The following LIPE variants were observed in gnomAD, a reference collection of about 807,000 sequenced individuals.
LIPE encodes the protein lipase E, hormone sensitive type.
LIPE carries 66 observed loss-of-function variants against 88.5 expected under a neutral mutation model. The ratio of observed to expected loss-of-function variants is 0.75; its 90% CI spans 0.61 to 0.91. The LOEUF (loss-of-function observed/expected upper bound fraction) is 0.91. LIPE is among the 40% of genes least tolerant of loss of function. The pLI is 0.00. For synonymous variants in LIPE, 570 were observed against 617.5 expected, an observed-to-expected ratio of 0.92 and a Z score of 1.14; for missense variants, 1,346 against 1,434.7, an observed-to-expected ratio of 0.94 and a Z score of 1.00.
chr19:42,421,884 G>A (rs1044487945), intron 1 of LIPE, among the ~76,000 whole-genome samples: 3 of 152,236 alleles, frequency 2.0e-5, no homozygotes, highest in African/African-American at 7.2e-5. Context: ...GGGGCTTCAG[G>A]AAATGACAGG....
Position 42,401,871 on chromosome 19 carries a change from C to G in LIPE, c.3172G>C (p.Gly1058Arg), listed in dbSNP as rs771970424. Residue 1058 changes from glycine to arginine, a missense_variant, in exon 10 of 10, where the codon GGG (glycine) becomes CGG (arginine). Coordinates refer to ENST00000244289, the MANE Select transcript of LIPE (RefSeq NM_005357.4). ...GCAGCCCCCGTCTCCCCGCTCGGCC[C>G]GGCTCCGGCGGGAGGAGTGAGGACG... The part of the protein sequence containing the change: ...RLVLTPPAGA[G>R]PSGETGAAGV... The G allele has an allele frequency of 6.5e-4, 1,002 of 1,532,144 alleles. 2 individuals carry two copies. The Middle Eastern group carries it at 6.6e-3, about 10-fold the overall frequency. 94.9% of individuals were successfully genotyped at this position (1,532,144 alleles called of 1,614,324 possible). A position where few individuals can be genotyped will look rare whatever the true frequency, so the allele number is the denominator to read the frequency against.
chr19:42,424,964 A>C, intron 1 of LIPE: 2 of 281,000 alleles, frequency 7.1e-6, no homozygotes, highest in Admixed American at 5.0e-5. Flanking sequence ...TGCTCCCCCA[A>C]CTTTCCTGCC....
chr19:42,407,845 CT>C lies in LIPE; in HGVS notation c.1657-55del, dbSNP rs148192690. ...GGGAAGGTCTGCCTGCAGGGGTGCC[CT>C]TCACCTCTCCCTCTGATCCCCAGTC... On this transcript the variant is annotated intron_variant, in intron 4 of 9. Coordinates refer to ENST00000244289, the MANE Select transcript of LIPE (RefSeq NM_005357.4). The surrounding 1 kb of genome is among the most constrained non-coding windows in gnomAD (Gnocchi z 5.8). The C allele has an allele frequency of 1.0e-4, 161 of 1,548,980 alleles. No individual in the cohort carries two copies. In the African/African-American group the frequency reaches 2.1e-3, roughly 20 times the overall value.
Position 42,410,211 on chromosome 19 carries a change from G to T in LIPE, c.1419+96C>A. 8.0e-7 allele frequency: 1 copy of T among 1,245,540 alleles called. No homozygotes were observed. Among genetic ancestry groups the T allele is most frequent in the Non-Finnish European group, 1.1e-6 (1 of 914,952 alleles). 77.2% of individuals were successfully genotyped at this position (1,245,540 alleles called of 1,614,324 possible). A position where few individuals can be genotyped will look rare whatever the true frequency, so the allele number is the denominator to read the frequency against. On this transcript the variant is annotated intron_variant, in intron 2 of 9. Coordinates refer to ENST00000244289, the MANE Select transcript of LIPE (RefSeq NM_005357.4). The surrounding 1 kb of genome is among the most constrained non-coding windows in gnomAD (Gnocchi z 6.1). ...CCTGCTGTTTGCTGAGTCCGATAAT[G>T]CTGACCACTGGTTACTTTACCATAC... is the stretch of plus-strand genomic sequence containing the variant.
At chr19:42,415,853 G>A (rs1392460035) in intron 1 of LIPE, among the ~76,000 whole-genome samples, 1 of 151,758 alleles carries the variant, frequency 6.6e-6, no homozygotes, top group Non-Finnish European at 1.5e-5. Flanking sequence ...TGGATATGGA[G>A]AAAGTCTGAA....
In LIPE at chr19:42,426,669, C is replaced by T; in HGVS notation, c.481G>A (p.Ala161Thr). The T allele has an allele frequency of 6.2e-7, 1 of 1,614,182 alleles. No homozygotes were observed. The highest frequency in any genetic ancestry group is 2.2e-5 in the East Asian group (1 of 44,880). ...QEAESTPAAQ[A>T]KPGAKREPSA... ...GGCTCCCTTTTGGCTCCAGGTTTAGCCTGGGCCGCAGGTGTTGATTCAGCT... is the reference window on the plus strand; with the variant it reads ...GGCTCCCTTTTGGCTCCAGGTTTAGTCTGGGCCGCAGGTGTTGATTCAGCT... The change falls in exon 1 of 10, where the codon GCT becomes ACT. Residue 161 changes from alanine to threonine, a missense_variant. Ala to Thr is a moderately conservative substitution (Grantham distance 58). Coordinates refer to ENST00000244289, the MANE Select transcript of LIPE (RefSeq NM_005357.4).
chr19:42,402,984 C>G lies in LIPE; in HGVS notation c.2590G>C (p.Gly864Arg). Reference protein sequence around the residue: ...VSEAALAQPQGPLGTDSLKNL... With the variant: ...VSEAALAQPQRPLGTDSLKNL... Reference sequence around the variant, plus strand: ...TTGAGGGAATCCGTGCCCAGTGGGCCCTGGGGCTGGGCCAGTGCTGCTTCA... The same window carrying G: ...TTGAGGGAATCCGTGCCCAGTGGGCGCTGGGGCTGGGCCAGTGCTGCTTCA... The change falls in exon 9 of 10, where the codon GGC becomes CGC. Residue 864 changes from glycine to arginine, a missense_variant. Transcript: ENST00000244289. The G allele has an allele frequency of 6.2e-7, 1 of 1,600,916 alleles. No homozygotes were observed. The highest frequency in any genetic ancestry group is 8.5e-7 in the Non-Finnish European group (1 of 1,176,984).
rs200113784 is a variant in LIPE at position 42,408,075 on chromosome 19, G to A, written c.1557C>T (p.Asp519=). ...CAAACTCAGCCCCACGCAGCTCGGG[G>A]TCGATGGCAAAGCGGCCGCTGGTGA... is the stretch of plus-strand genomic sequence containing the variant. The part of the protein sequence containing the change: ...SLFTSGRFAI[D]PELRGAEFER... The change falls in exon 4 of 10, where the codon GAC becomes GAT. Residue 519 remains aspartate, a synonymous_variant. Coordinates refer to ENST00000244289, the MANE Select transcript of LIPE (RefSeq NM_005357.4). The surrounding 1 kb of genome is among the most constrained non-coding windows in gnomAD (Gnocchi z 4.3). 1 of 1,613,918 alleles carries A rather than the reference G, an allele frequency of 6.2e-7. No homozygotes were observed. The highest frequency in any genetic ancestry group is 1.3e-5 in the African/African-American group (1 of 75,032).
intron 1 of LIPE, among the ~76,000 whole-genome samples, chr19:42,415,490 C>T (rs1051854746): frequency 1.3e-5 from 2 of 152,012 alleles, no homozygotes; most frequent in Non-Finnish European, 1.5e-5. Flanking sequence ...AAGTGCTACT[C>T]CAGTGAACAC....
At chr19:42,413,475 C>T (rs912345496) in intron 1 of LIPE, among the ~76,000 whole-genome samples, 1 of 152,186 alleles carries the variant, frequency 6.6e-6, no homozygotes, top group Admixed American at 6.5e-5. Context: ...ACCATCCTGG[C>T]TAACACGGTG....
At chr19:42,403,445 G>GTT (rs1231529110) in intron 8 of LIPE, among the ~76,000 whole-genome samples, 37 of 148,200 alleles carry the variant, frequency 2.5e-4, no homozygotes, top group Non-Finnish European at 7.4e-5. Flanking sequence ...ATAATATATC[G>GTT]TTTTTTGTTT....
At chr19:42,403,345 A>G (rs141921430) in intron 8 of LIPE, among the ~76,000 whole-genome samples, 1 of 151,672 alleles carries the variant, frequency 6.6e-6, no homozygotes, top group East Asian at 1.9e-4. Flanking sequence ...TTTCTTCTAG[A>G]TCAAGGAAAT....
chr19:42,423,374 T>A, intron 1 of LIPE: 1 of 1,265,682 alleles, frequency 7.9e-7, no homozygotes, highest in Non-Finnish European at 1.0e-6. Context: ...CCCCGTAGGA[T>A]GTACGAGGTT....
chr19:42,407,750 G>A lies in LIPE; in HGVS notation c.1698C>T (p.Arg566=), dbSNP rs1457572180. ...NMASATVRVS[R]LLSLPPEAFE... ...AGGCTTCGGGTGGCAGGCTGAGCAGGCGGCTTACCCTCACGGTGGCCGATG... is the reference window on the plus strand; with the variant it reads ...AGGCTTCGGGTGGCAGGCTGAGCAGACGGCTTACCCTCACGGTGGCCGATG... Residue 566 remains arginine (R), a synonymous_variant, in exon 5 of 10, where the codon CGC becomes CGT. Coordinates refer to ENST00000244289, the MANE Select transcript of LIPE (RefSeq NM_005357.4). The surrounding 1 kb of genome is among the most constrained non-coding windows in gnomAD (Gnocchi z 5.8). 9.6e-6 allele frequency: 15 copies of A among 1,561,792 alleles called. No individual in the cohort carries two copies. Among genetic ancestry groups the A allele is most frequent in the African/African-American group, 1.4e-5 (1 of 73,354 alleles).
chr19:42,424,149 TG>T, intron 1 of LIPE: 1 of 1,185,224 alleles, frequency 8.4e-7, no homozygotes, highest in Non-Finnish European at 1.1e-6. Flanking sequence ...GCGCTTTTCC[TG>T]GGGGATCTTT....
intron 9 of LIPE, 106 bp from the exon 10 acceptor site, chr19:42,402,181 A>G: frequency 7.0e-6 from 8 of 1,147,202 alleles, no homozygotes; most frequent in South Asian, 1.7e-5. Flanking sequence ...GGAAATACGG[A>G]TACAGACGGA....
In LIPE at chr19:42,410,571, C is replaced by A; in HGVS notation, c.1155G>T (p.Ala385=). 1 of 1,612,820 alleles carries A rather than the reference C, an allele frequency of 6.2e-7. No homozygotes were observed. ...SLVHTARCCL[A]HLLHKSRYVA... ...CATAGCGGGATTTGTGCAGGAGGTG[C>A]GCCAGGCAGCAGCGGGCTGTGTGCA... The change falls in exon 2 of 10, where the codon GCG becomes GCT. Residue 385 remains alanine, a synonymous_variant. Coordinates refer to ENST00000244289, the MANE Select transcript of LIPE (RefSeq NM_005357.4). The surrounding 1 kb of genome is among the most constrained non-coding windows in gnomAD (Gnocchi z 6.1).
In LIPE at chr19:42,408,127, GGTCAGAAGGGGT is replaced by G; in HGVS notation, c.1511-18_1511-7del. On this transcript the variant is annotated splice_polypyrimidine_tract_variant and splice_region_variant and intron_variant, in intron 3 of 9. Transcript: ENST00000244289. This position sits in a 1 kb window ranked among gnomAD's most constrained non-coding sequence, Gnocchi z 4.3. ...GAGAGAGCTGGCGGCCACACCTAGGGGTCAGAAGGGGTGTCAGGGAGCCCCAGTGGGTCAGGC... is the reference window on the plus strand; with the variant it reads ...GAGAGAGCTGGCGGCCACACCTAGGGGTCAGGGAGCCCCAGTGGGTCAGGC... 6.2e-7 allele frequency: 1 copy of G among 1,613,934 alleles called. No individual in the cohort carries two copies. The highest frequency in any genetic ancestry group is 8.5e-7 in the Non-Finnish European group (1 of 1,179,954).
At chr19:42,417,963 G>A (rs1226804355) in intron 1 of LIPE, among the ~76,000 whole-genome samples, 1 of 151,844 alleles carries the variant, frequency 6.6e-6, no homozygotes, top group East Asian at 1.9e-4. Context: ...AGCACCAGCA[G>A]GCTTTGACAG....
Sources: gnomAD v4.1 joint callset for allele counts (sites outside exome capture counted in the v4.1 genomes callset) on GRCh38, gnomAD v4.1.1 for gene constraint, Gnocchi (gnomAD v3.1) non-coding constraint, MANE v1.5 for transcripts, NCBI Gene and HGNC (gene_info 2026-07-23, HGNC 2026-07-21) for gene names.